Variants in TRMT11 observed in about 807,000 individuals in gnomAD.
TRMT11 encodes the protein tRNA methyltransferase 11, also known as tRNA (guanine(10)-N(2))-methyltransferase TRMT11.
In TRMT11, 53 loss-of-function variants were observed where a neutral mutation model predicts 62.8. The ratio of observed to expected loss-of-function variants is 0.84; its 90% CI spans 0.68 to 1.06. The LOEUF is 1.06. Ranked by LOEUF, TRMT11 falls within the 50% of genes least tolerant of loss-of-function variation. The pLI is 0.00. For missense variants in TRMT11, 556 were observed against 553.4 expected, an observed-to-expected ratio of 1.00 and a Z score of -0.05; for synonymous variants, 188 against 190.3, an observed-to-expected ratio of 0.99 and a Z score of 0.10.
At chr6:126,091,582 C>T (rs1023780607) in intron 17 of TRMT11, among the ~76,000 whole-genome samples, 3 of 152,098 alleles carry the variant, frequency 2.0e-5, no homozygotes, top group Non-Finnish European at 4.4e-5. Flanking sequence ...AACTCAGTTA[C>T]GTTAAATTTG....
the TRMT11 span, among the ~76,000 whole-genome samples, chr6:126,243,255 G>A: frequency 6.6e-6 from 1 of 152,214 alleles, no homozygotes; most frequent in Non-Finnish European, 1.5e-5. Flanking sequence ...ACACCAGTCA[G>A]AATGGCGATC....
At chr6:126,091,234 T>C (rs1018561435) in intron 17 of TRMT11, among the ~76,000 whole-genome samples, 7 of 151,854 alleles carry the variant, frequency 4.6e-5, no homozygotes, top group African/African-American at 1.7e-4. Context: ...AGCTTAGAGC[T>C]GCCTTCTTAC....
chr6:126,100,060 C>T (rs1382720765), intron 17 of TRMT11, among the ~76,000 whole-genome samples: 1 of 152,100 alleles, frequency 6.6e-6, no homozygotes, highest in African/African-American at 2.4e-5. Flanking sequence ...GAGACCATGC[C>T]CACCGGTGAC....
At chr6:126,225,495 G>A in the TRMT11 span, among the ~76,000 whole-genome samples, 5 of 151,594 alleles carry the variant, frequency 3.3e-5, no homozygotes, top group Non-Finnish European at 7.4e-5. Context: ...GATCTGCTAG[G>A]ACTGTGCCGA....
Position 125,999,641 on chromosome 6 carries a change from G to A in TRMT11, c.679+28G>A, listed in dbSNP as rs752506586. The A allele has an allele frequency of 3.8e-6, 6 of 1,566,322 alleles. No homozygotes were observed. In the East Asian group the frequency reaches 6.8e-5, roughly 18 times the overall value. ...ATTTTTATTTAACTTTTAAGCTAGT[G>A]TAGAGATGTTGCTTATTTATATTAA... On this transcript the variant is annotated intron_variant, in intron 7 of 12. Coordinates refer to ENST00000334379, the MANE Select transcript of TRMT11 (RefSeq NM_001031712.3).
rs934386114 is a variant in TRMT11, at chr6:126,093,716, T to C, written c.*1438-19150T>C. On this transcript the variant is annotated intron_variant and NMD_transcript_variant, in intron 17 of 22. Coordinates refer to the TRMT11 transcript ENST00000648977. ...AGAAAATAAGATTAACTCCTTAGAG[T>C]GTTATAAAATTAACACAGTAAGTGG... Among the ~76,000 whole-genome samples the C allele has an allele frequency of 1.7e-4, 25 of 148,014 alleles. 1 individual carries two copies. The highest frequency in any genetic ancestry group is 1.5e-5 in the Non-Finnish European group (1 of 67,072).
the TRMT11 span, among the ~76,000 whole-genome samples, chr6:126,242,158 A>G: frequency 6.6e-6 from 1 of 152,206 alleles, no homozygotes. Context: ...ACAGAGAGCC[A>G]AATCATGAGT....
chr6:126,113,953 A>T (rs1313828441), intron 18 of TRMT11, among the ~76,000 whole-genome samples: 1 of 152,058 alleles, frequency 6.6e-6, no homozygotes, highest in Non-Finnish European at 1.5e-5. Context: ...CATGGATCGC[A>T]CTTTAAGGGA....
chr6:126,209,103 C>T, the TRMT11 span, among the ~76,000 whole-genome samples: 1 of 152,100 alleles, frequency 6.6e-6, no homozygotes, highest in Non-Finnish European at 1.5e-5. Flanking sequence ...AGGGGAAGTC[C>T]TGGAGCACTA....
intron 12 of TRMT11, among the ~76,000 whole-genome samples, chr6:126,027,673 A>G (rs983204051): frequency 1.3e-5 from 2 of 152,158 alleles, no homozygotes; most frequent in Non-Finnish European, 2.9e-5. Context: ...AGTTTAGATT[A>G]TTTAAAAGAG....
chr6:126,029,276 G>A (rs1773750023), intron 12 of TRMT11, among the ~76,000 whole-genome samples: 1 of 152,050 alleles, frequency 6.6e-6, no homozygotes, highest in South Asian at 2.1e-4. Context: ...AGACATAAAT[G>A]TACACTTTAG....
At chr6:126,129,701 T>G (rs1562329392) in intron 21 of TRMT11, among the ~76,000 whole-genome samples, 1 of 152,050 alleles carries the variant, frequency 6.6e-6, no homozygotes, top group Non-Finnish European at 1.5e-5. Flanking sequence ...AAAAAAATTT[T>G]TTTTATGTAG....
At chr6:126,153,505 A>G (rs1246392079) in intron 21 of TRMT11, among the ~76,000 whole-genome samples, 3 of 152,222 alleles carry the variant, frequency 2.0e-5, no homozygotes, top group Admixed American at 1.3e-4. Context: ...TAAGACTATC[A>G]CATATTGTAA....
chr6:126,135,849 CACAAT>C (rs1323481272), intron 21 of TRMT11, among the ~76,000 whole-genome samples: 1 of 151,736 alleles, frequency 6.6e-6, no homozygotes, highest in Non-Finnish European at 1.5e-5. Context: ...AATCAATAAA[CACAAT>C]ACATTATGTC....
intron 21 of TRMT11, among the ~76,000 whole-genome samples, chr6:126,119,410 T>C (rs1326310605): frequency 6.6e-6 from 1 of 150,754 alleles, no homozygotes; most frequent in Non-Finnish European, 1.5e-5. Context: ...TAAATGGCCA[T>C]AGTCCTGGGA....
Position 126,008,167 on chromosome 6 carries a change from A to G in TRMT11, c.680-225A>G, listed in dbSNP as rs376533208. On this transcript the variant is annotated intron_variant, in intron 7 of 12. Coordinates refer to ENST00000334379, the MANE Select transcript of TRMT11 (RefSeq NM_001031712.3). ...AAGATAAAATAGTGCTGTTTAAAAT[A>G]ATGATGCCAGGGTATACATTAATTT... Among the ~76,000 whole-genome samples the G allele has an allele frequency of 4.0e-4, 61 of 152,190 alleles. No homozygotes were observed. In the South Asian group the frequency reaches 0.012, roughly 29 times the overall value.
chr6:126,020,657 G>GT (rs1183109791), intron 11 of TRMT11, among the ~76,000 whole-genome samples: 1 of 152,162 alleles, frequency 6.6e-6, no homozygotes, highest in African/African-American at 2.4e-5. Flanking sequence ...ATTTACAAAC[G>GT]TAATAGAGAT....
rs1248887990 is a variant in TRMT11 at position 125,986,666 on chromosome 6, C to CTGGAG, written c.72+58_72+62dup. The CTGGAG allele has an allele frequency of 6.5e-6, 10 of 1,539,546 alleles. No homozygotes were observed. In the South Asian group the frequency reaches 9.5e-5, roughly 15 times the overall value. ...CCGGAACTTCCGACGGAAGAGGACG[C>CTGGAG]TGGAGTGGAGTGGAGTGGGTGGAGG... On this transcript the variant is annotated intron_variant, in intron 1 of 12. Transcript: ENST00000334379.
the TRMT11 span, among the ~76,000 whole-genome samples, chr6:126,252,098 C>T: frequency 1.8e-4 from 28 of 152,240 alleles, no homozygotes; most frequent in African/African-American, 6.5e-4. Context: ...AATATGCTCA[C>T]AGATTCTGAG....
Sources: gnomAD v4.1 joint callset for allele counts (sites outside exome capture counted in the v4.1 genomes callset) on GRCh38, gnomAD v4.1.1 for gene constraint, MANE v1.5 for transcripts, NCBI Gene and HGNC (gene_info 2026-07-23, HGNC 2026-07-21) for gene names.